The following TTLL8 variants were observed in gnomAD, a reference collection of about 807,000 sequenced individuals.
TTLL8 encodes protein monoglycylase TTLL8.
A neutral mutation model predicts 77.8 loss-of-function variants in TTLL8; 65 were observed. That is an observed-to-expected ratio of 0.84 (90% confidence interval 0.68 to 1.03). The LOEUF is 1.03. Among genes scored for constraint, TTLL8 ranks in the 50% least tolerant of loss-of-function variants. The pLI, the probability that TTLL8 is intolerant of heterozygous loss-of-function variation, is 0.00. For synonymous variants in TTLL8, 402 were observed against 422.8 expected, an observed-to-expected ratio of 0.95 and a Z score of 0.60; for missense variants, 910 against 1,004.5, an observed-to-expected ratio of 0.91 and a Z score of 1.27.
chr22:50,020,672 CATCT>C (rs1331255123), intron 12 of TTLL8, among the ~76,000 whole-genome samples: 1 of 151,866 alleles, frequency 6.6e-6, no homozygotes, highest in African/African-American at 2.4e-5. Context: ...TGCACTCCTC[CATCT>C]GACAACGTGC....
rs550887754 is a variant in TTLL8 at position 50,033,160 on chromosome 22, C to T, written c.1283+42G>A. ...TGCTCCAGGCATGCAGGCAGCAGCC[C>T]ATTCCCTGGCCCGAGGTGTCCAGGT... On this transcript the variant is annotated intron_variant, in intron 10 of 13. Coordinates refer to ENST00000266182, the Ensembl canonical transcript of TTLL8. The T allele has an allele frequency of 2.3e-6, 3 of 1,300,272 alleles. No homozygotes were observed. The East Asian group carries it at 1.6e-4, about 69-fold the overall frequency. The allele number at this position is 1,300,272 out of a possible 1,614,324, so 80.5% of individuals were successfully genotyped here.
chr22:50,033,767 G>A (rs1460244865), intron 9 of TTLL8, among the ~76,000 whole-genome samples: 4 of 152,234 alleles, frequency 2.6e-5, no homozygotes, highest in Non-Finnish European at 5.9e-5. Context: ...GGGCATGGTG[G>A]CTTATGCCTG....
At chr22:50,026,010 G>C (rs137887) in intron 12 of TTLL8, among the ~76,000 whole-genome samples, 71,424 of 151,954 alleles carry the variant, frequency 0.47, 17,400 homozygotes, top group Admixed American at 0.54. Context: ...TCATGACGTA[G>C]TGGTGCCACT....
chr22:50,049,376 G>C, intron 2 of TTLL8, 54 bp from the exon 5 acceptor site: 1 of 1,363,996 alleles, frequency 7.3e-7, no homozygotes, highest in Non-Finnish European at 9.8e-7. Flanking sequence ...CAGACTTCCC[G>C]CACCGGGTCC....
At chr22:50,020,747 CCTCCATCTGATGATGTGTA>C (rs2061191311) in intron 12 of TTLL8, among the ~76,000 whole-genome samples, 2 of 147,924 alleles carry the variant, frequency 1.4e-5, no homozygotes, top group South Asian at 4.4e-4. Context: ...GATGTGCATT[CCTCCATCTGATGATGTGTA>C]CTCCTTCATC....
Position 50,041,305 on chromosome 22 carries a change from C to A in TTLL8, c.831-28G>T. The A allele has an allele frequency of 2.0e-6, 1 of 511,868 alleles. No homozygotes were observed. Among genetic ancestry groups the A allele is most frequent in the Non-Finnish European group, 3.9e-6 (1 of 256,252 alleles). 31.7% of individuals were successfully genotyped at this position (511,868 alleles called of 1,614,324 possible). On this transcript the variant is annotated intron_variant, in intron 7 of 13. Coordinates refer to ENST00000266182, the Ensembl canonical transcript of TTLL8. The surrounding 1 kb of genome is among the most constrained non-coding windows in gnomAD (Gnocchi z 4.3). ...GAGGGGGTATCATCCTCTCAACAGT[C>A]ATCAGGGTCCTGGTGGGACAGGCAA...
intron 12 of TTLL8, among the ~76,000 whole-genome samples, chr22:50,022,386 CAAT>C (rs2061209339): frequency 6.9e-6 from 1 of 145,976 alleles, no homozygotes; most frequent in African/African-American, 2.6e-5. Flanking sequence ...CTCCATCTGA[CAAT>C]GTGTACTCCT....
chr22:50,030,302 C>A (rs1186259490), intron 12 of TTLL8, 128 bp downstream of exon 13: 9 of 1,088,860 alleles, frequency 8.3e-6, no homozygotes, highest in Non-Finnish European at 1.0e-5. Flanking sequence ...CGTCAGGGGA[C>A]ACCCCGGGCC....
chr22:50,033,204 G>A lies in TTLL8; in HGVS notation c.1281C>T (p.Asp427=), dbSNP rs933475046. 5 of 1,347,234 alleles carry A rather than the reference G, an allele frequency of 3.7e-6. No homozygotes were observed. The African/African-American group carries it at 5.9e-5, about 16-fold the overall frequency. The allele number at this position is 1,347,234 out of a possible 1,614,324, so 83.5% of individuals were successfully genotyped here. The change falls in exon 10 of 14, where the codon GAC becomes GAT. Residue 427 remains aspartate, a splice_region_variant and synonymous_variant. Transcript: ENST00000266182. ...TCCAGGTCGCCCACCGCACTGACCT[G>A]TCCAGCTTGTCCAGGGAGAAGCGCT...
intron 12 of TTLL8, among the ~76,000 whole-genome samples, chr22:50,027,916 C>T (rs60650480): frequency 0.022 from 3,299 of 152,346 alleles, 95 homozygotes; most frequent in African/African-American, 0.07. Context: ...TTGTTTGCCA[C>T]GCGTGGCAAC....
At position 50,034,403 on chromosome 22, in the gene TTLL8, G is replaced by C; in HGVS notation, c.981C>G (p.Leu327=). Residue 327 remains leucine (L), a synonymous_variant, in exon 9 of 14, where the codon CTC becomes CTG. Transcript: ENST00000266182. This position sits in a 1 kb window ranked among gnomAD's most constrained non-coding sequence, Gnocchi z 4.1. ...CGGGCTTTATAATCCAGATGTTCCG[G>C]AGCCCGTCAATGTCCGTCTGAGGGT... 1 of 1,367,318 alleles carries C rather than the reference G, an allele frequency of 7.3e-7. No individual in the cohort carries two copies. Among genetic ancestry groups the C allele is most frequent in the African/African-American group, 1.5e-5 (1 of 67,870 alleles). The allele number at this position is 1,367,318 out of a possible 1,614,324, so 84.7% of individuals were successfully genotyped here.
chr22:50,030,839 G>C, exon 12 of TTLL8: 2 of 1,342,278 alleles, frequency 1.5e-6, no homozygotes, highest in South Asian at 2.4e-5. Flanking sequence ...GGTTGCAGAC[G>C]GGCAGCACCT....
intron 8 of TTLL8, among the ~76,000 whole-genome samples, chr22:50,037,226 A>G (rs1408017568): frequency 6.7e-6 from 1 of 149,464 alleles, no homozygotes; most frequent in Non-Finnish European, 1.5e-5. Flanking sequence ...TTTTTTTGAG[A>G]CAGAGTCTTG....
Position 50,034,293 on chromosome 22 carries a change from C to A in TTLL8, c.1039+52G>T. ...ACTGTCCCTCACTCACGGCTCCTGG[C>A]ATCAAGTGTGGCCGTTGGTGGCTAT... On this transcript the variant is annotated intron_variant, in intron 9 of 13. Transcript: ENST00000266182. This position sits in a 1 kb window ranked among gnomAD's most constrained non-coding sequence, Gnocchi z 4.1. 2 of 1,329,000 alleles carry A rather than the reference C, an allele frequency of 1.5e-6. No individual in the cohort carries two copies. Among genetic ancestry groups the A allele is most frequent in the Non-Finnish European group, 2.0e-6 (2 of 1,002,022 alleles). 82.3% of individuals were successfully genotyped at this position (1,329,000 alleles called of 1,614,324 possible). A position where few individuals can be genotyped will look rare whatever the true frequency, so the allele number is the denominator to read the frequency against.
At chr22:50,047,509 G>A (rs559012453) in intron 3 of TTLL8, among the ~76,000 whole-genome samples, 13 of 152,294 alleles carry the variant, frequency 8.5e-5, no homozygotes, top group Admixed American at 2.6e-4. Context: ...GAGGGGCCTC[G>A]GGCTCTGGGG....
At chr22:50,028,419 C>T (rs1377338836) in intron 12 of TTLL8, among the ~76,000 whole-genome samples, 1 of 152,204 alleles carries the variant, frequency 6.6e-6, no homozygotes, top group African/African-American at 2.4e-5. Context: ...TGAGTGATCC[C>T]CACACCTGGG....
At chr22:50,036,084 A>G (rs1453717236) in intron 8 of TTLL8, among the ~76,000 whole-genome samples, 1 of 152,238 alleles carries the variant, frequency 6.6e-6, no homozygotes, top group Non-Finnish European at 1.5e-5. Flanking sequence ...ACGGGCCTCC[A>G]GATGCTGACG....
intron 6 of TTLL8, 85 bp downstream of exon 8, chr22:50,045,170 C>A (rs1043704996): frequency 4.2e-5 from 53 of 1,266,816 alleles, no homozygotes; most frequent in Middle Eastern, 3.3e-4. Context: ...ACCCTCAGGA[C>A]TGACCACACC....
rs535004702 is a variant in TTLL8, at chr22:50,031,758, C to A, written c.1635G>T (p.Val545=). The stretch of plus-strand genomic sequence containing the variant: ...CGGCCACCTTGATGGTGTCCTCCTG[C>A]ACCTGTGCACACAGCTGGGCCGTGA... The change falls in exon 11 of 14, where the codon GTG becomes GTT. Residue 545 remains valine, a synonymous_variant. Coordinates refer to ENST00000266182, the Ensembl canonical transcript of TTLL8. The A allele has an allele frequency of 8.1e-6, 11 of 1,363,338 alleles. No individual in the cohort carries two copies. In the African/African-American group the frequency reaches 1.3e-4, roughly 16 times the overall value. 84.5% of individuals were successfully genotyped at this position (1,363,338 alleles called of 1,614,324 possible). A position where few individuals can be genotyped will look rare whatever the true frequency, so the allele number is the denominator to read the frequency against.
Sources: allele counts gnomAD v4.1 joint callset (sites outside exome capture counted in the v4.1 genomes callset), GRCh38; gene constraint gnomAD v4.1.1; non-coding constraint Gnocchi (gnomAD v3.1); transcripts MANE v1.5; gene names NCBI Gene and HGNC (gene_info 2026-07-23, HGNC 2026-07-21).